Variants in DAB1 observed in about 807,000 individuals in gnomAD.
DAB1 encodes disabled homolog 1.
DAB1 carries 15 observed loss-of-function variants against 64.6 expected under a neutral mutation model. The ratio of observed to expected loss-of-function variants is 0.23; its 90% CI spans 0.16 to 0.36. The LOEUF is 0.36. Among genes scored for constraint, DAB1 ranks in the 10% least tolerant of loss-of-function variants. The probability of loss-of-function intolerance (pLI) is 1.00; values close to 1 mark genes in which losing one functional copy is unlikely to be tolerated. For synonymous variants in DAB1, 235 were observed against 251.9 expected (o/e 0.93, Z 0.64); for missense variants, 596 against 706.7 (o/e 0.84, Z 1.78).
chr1:57,395,895 G>T (rs760038506), intron 1 of DAB1, among the ~76,000 whole-genome samples: 1 of 152,136 alleles, frequency 6.6e-6, no homozygotes, highest in African/African-American at 2.4e-5. Flanking sequence ...ATCAACCTCC[G>T]ATTTTACCTG....
Position 57,833,753 on chromosome 1 carries a change from T to C in DAB1, n.88-7298A>G, listed in dbSNP as rs992520. The stretch of plus-strand genomic sequence containing the variant: ...TTTCTAGCCTACCCTAACTGCATGA[T>C]ACCCAAAACATCATTTGGCATGGAT... On this transcript the variant is annotated intron_variant and non_coding_transcript_variant, in intron 1 of 1. Transcript: ENST00000477280. 1.8e-3 allele frequency among the ~76,000 whole-genome samples: 273 copies of C among 152,280 alleles called. 1 individual carries two copies. The highest frequency in any genetic ancestry group is 6.3e-3 in the African/African-American group (263 of 41,564).
intron 6 of DAB1, among the ~76,000 whole-genome samples, chr1:57,734,017 C>T (rs1170197885): frequency 6.6e-6 from 1 of 152,114 alleles, no homozygotes; most frequent in Non-Finnish European, 1.5e-5. Flanking sequence ...ATGACTTTCA[C>T]CCAGCCCCCA....
At chr1:57,672,417 T>A (rs1646520213) in intron 6 of DAB1, among the ~76,000 whole-genome samples, 1 of 152,164 alleles carries the variant, frequency 6.6e-6, no homozygotes, top group African/African-American at 2.4e-5. Flanking sequence ...AAACAGTTGC[T>A]ATGAGACAGC....
intron 3 of DAB1, chr1:58,468,508 G>C (rs1557429313): frequency 6.6e-6 from 1 of 152,240 alleles, no homozygotes; most frequent in Non-Finnish European, 1.5e-5. Context: ...CAGAGTCACT[G>C]TGTCTTTGCA....
intron 5 of DAB1, among the ~76,000 whole-genome samples, chr1:58,017,200 T>A (rs887750597): frequency 2.0e-5 from 3 of 151,824 alleles, no homozygotes; most frequent in Non-Finnish European, 4.4e-5. Context: ...GATCAATCAG[T>A]TCGCAGGATG....
At chr1:57,940,975 C>G (rs1645096049) in intron 5 of DAB1, among the ~76,000 whole-genome samples, 1 of 152,164 alleles carries the variant, frequency 6.6e-6, no homozygotes. Context: ...CACTTAGTGA[C>G]TATAAGGTTT....
intron 4 of DAB1, among the ~76,000 whole-genome samples, chr1:58,225,791 T>C (rs1295701240): frequency 1.0e-5 from 1 of 97,902 alleles, no homozygotes; most frequent in Admixed American, 1.8e-4. Context: ...AAGGGGAACA[T>C]CACACACCGG....
intron 4 of DAB1, among the ~76,000 whole-genome samples, chr1:57,075,746 T>A (rs919937994): frequency 5.3e-5 from 8 of 152,290 alleles, no homozygotes; most frequent in South Asian, 4.1e-4. Context: ...GGTCAGAGAT[T>A]GAAACGCCAG....
chr1:58,348,287 G>C (rs1474982435), intron 3 of DAB1, among the ~76,000 whole-genome samples: 2 of 152,110 alleles, frequency 1.3e-5, no homozygotes, highest in Admixed American at 1.3e-4. Flanking sequence ...TCAAAAAAAT[G>C]AATGACTGAA....
chr1:58,423,153 G>C (rs186764093), intron 3 of DAB1, among the ~76,000 whole-genome samples: 42 of 152,274 alleles, frequency 2.8e-4, no homozygotes, highest in African/African-American at 7.9e-4. Context: ...AGCCCTATCT[G>C]GTTGTCCATA....
intron 4 of DAB1, among the ~76,000 whole-genome samples, chr1:58,320,289 G>A (rs1662651770): frequency 6.6e-6 from 1 of 152,224 alleles, no homozygotes; most frequent in Non-Finnish European, 1.5e-5. Flanking sequence ...AGTTCTGAAA[G>A]CATCAGCAGT....
intron 1 of DAB1, among the ~76,000 whole-genome samples, chr1:57,831,161 C>T (rs1652569742): frequency 6.6e-6 from 1 of 152,186 alleles, no homozygotes; most frequent in African/African-American, 2.4e-5. Context: ...GGTCCGCCCA[C>T]CTCGGCCTCC....
chr1:57,338,728 T>A (rs185294600), intron 1 of DAB1, among the ~76,000 whole-genome samples: 3 of 152,192 alleles, frequency 2.0e-5, no homozygotes, highest in African/African-American at 7.2e-5. Context: ...ATGGAAAAAC[T>A]ATAGTCTTTG....
At chr1:58,038,298 G>A (rs1018561100) in intron 5 of DAB1, among the ~76,000 whole-genome samples, 1 of 152,180 alleles carries the variant, frequency 6.6e-6, no homozygotes. Flanking sequence ...TAATGGACTG[G>A]ATGTGGGGAT....
At chr1:58,191,497 T>C (rs1490285137) in intron 4 of DAB1, among the ~76,000 whole-genome samples, 1 of 152,134 alleles carries the variant, frequency 6.6e-6, no homozygotes. Context: ...AACCATTCCC[T>C]GAGTGCAAGC....
chr1:58,444,984 T>C (rs532061891), intron 3 of DAB1, among the ~76,000 whole-genome samples: 4 of 152,330 alleles, frequency 2.6e-5, no homozygotes, highest in African/African-American at 9.6e-5. Context: ...ACAAATAATC[T>C]TCTACCTCAA....
chr1:57,416,376 T>A (rs1292381150), intron 1 of DAB1, among the ~76,000 whole-genome samples: 3 of 152,204 alleles, frequency 2.0e-5, no homozygotes, highest in African/African-American at 7.2e-5. Context: ...CCTCATAAAC[T>A]TTCAATGCAT....
intron 7 of DAB1, among the ~76,000 whole-genome samples, chr1:57,561,048 T>C (rs767528616): frequency 2.6e-5 from 4 of 152,174 alleles, no homozygotes; most frequent in East Asian, 3.9e-4. Flanking sequence ...ATGTATGTGA[T>C]TGGGCTCGAG....
intron 6 of DAB1, among the ~76,000 whole-genome samples, chr1:57,809,724 T>C (rs953797933): frequency 1.3e-5 from 2 of 152,022 alleles, no homozygotes; most frequent in East Asian, 1.9e-4. Context: ...TAGCAACGAG[T>C]TGAAAAATGG....
Sources: gnomAD v4.1 joint callset for allele counts (sites outside exome capture counted in the v4.1 genomes callset) on GRCh38, gnomAD v4.1.1 for gene constraint, MANE v1.5 for transcripts, NCBI Gene and HGNC (gene_info 2026-07-23, HGNC 2026-07-21) for gene names.